PANK2: variants seen among roughly 807,000 people sequenced by gnomAD.
PANK2 encodes pantothenate kinase 2, also known as pantothenate kinase 2, mitochondrial.
In PANK2, 36 loss-of-function variants were observed where a neutral mutation model predicts 43.1. That is an observed-to-expected ratio of 0.84 (90% CI 0.64 to 1.10). The LOEUF (loss-of-function observed/expected upper bound fraction) is 1.10, where lower values mean the gene tolerates loss of function less well. Among genes scored for constraint, PANK2 ranks in the 50% least tolerant of loss-of-function variants. PANK2 has a pLI of 0.00. For missense variants in PANK2, 576 were observed against 593.3 expected, an observed-to-expected ratio of 0.97 and a Z score of 0.30; for synonymous variants, 281 against 238.2, an observed-to-expected ratio of 1.18 and a Z score of -1.66.
chr20:3,889,196 C>T (rs398124549), upstream of PANK2: 93 of 1,612,136 alleles, frequency 5.8e-5, no homozygotes, highest in Non-Finnish European at 7.7e-5. Flanking sequence ...TCCGCGGAAC[C>T]CGGATCCCCT....
At position 3,913,563 on chromosome 20, in the gene PANK2, C is replaced by T. The variant is rs181825706; in HGVS notation, c.1082+929C>T. ...TTCTCCATGTTGGCCGGGCAGGTCT[C>T]GAACTCAGGTGATCTGCCGCCTCAG... is the stretch of plus-strand genomic sequence containing the variant. On this transcript the variant is annotated intron_variant, in intron 4 of 6. Transcript: ENST00000610179. Among the ~76,000 whole-genome samples, 7 of 151,988 alleles carry T rather than the reference C, an allele frequency of 4.6e-5. No homozygotes were observed. The East Asian group carries it at 5.8e-4, about 13-fold the overall frequency.
Position 3,928,059 on chromosome 20 carries a change from T to G in PANK2, c.*4765T>G, listed in dbSNP as rs750463782. ...ACACTCCCCAGCACATGGGGATCCCTTATTAATCTTTACTAAAGAACCGTG... is the reference window on the plus strand; with the variant it reads ...ACACTCCCCAGCACATGGGGATCCCGTATTAATCTTTACTAAAGAACCGTG... On this transcript the variant is annotated 3_prime_UTR_variant, in exon 7 of 7. Transcript: ENST00000610179. The G allele has an allele frequency of 6.6e-6, 1 of 152,196 alleles. No homozygotes were observed. The highest frequency in any genetic ancestry group is 1.5e-5 in the Non-Finnish European group (1 of 68,034). The allele number at this position is 152,196 out of a possible 1,614,324, so 9.4% of individuals were successfully genotyped here.
intron 1 of PANK2, chr20:3,901,589 C>G: frequency 1.5e-5 from 15 of 981,866 alleles, no homozygotes; most frequent in Non-Finnish European, 1.8e-5. Flanking sequence ...CCCTTCTCTT[C>G]CCTCTTCAAC....
At chr20:3,917,587 T>C (rs780557817) in intron 5 of PANK2, 2 of 514,020 alleles carry the variant, frequency 3.9e-6, no homozygotes, top group African/African-American at 3.9e-5. Flanking sequence ...GGGCTGCCCT[T>C]GGGAAAAGAG....
Position 3,920,770 on chromosome 20 carries a change from G to A in PANK2, c.1332+1974G>A, listed in dbSNP as rs753268534. On this transcript the variant is annotated intron_variant, in intron 6 of 6. Coordinates refer to ENST00000610179, the MANE Select transcript of PANK2 (RefSeq NM_001386393.1). ...TGAGGTGGGAAAATCTCTTGAACCCGGGAGGCAGAGGTTGCGGTGAGCCGA... is the reference window on the plus strand; with the variant it reads ...TGAGGTGGGAAAATCTCTTGAACCCAGGAGGCAGAGGTTGCGGTGAGCCGA... 2.6e-5 allele frequency among the ~76,000 whole-genome samples: 4 copies of A among 152,056 alleles called. No homozygotes were observed. In the South Asian group the frequency reaches 6.2e-4, roughly 24 times the overall value.
intron 4 of PANK2, among the ~76,000 whole-genome samples, 158 bp downstream of exon 4, chr20:3,912,792 A>T (rs916985382): frequency 2.0e-5 from 3 of 152,026 alleles, no homozygotes; most frequent in African/African-American, 7.3e-5. Flanking sequence ...TCTACTAAAA[A>T]TACAAAAATT....
At position 3,889,416 on chromosome 20, in the gene PANK2, A is replaced by G. The variant is rs1210131268; in HGVS notation, c.-15A>G. On this transcript the variant is annotated 5_prime_UTR_variant, in exon 1 of 7. Coordinates refer to ENST00000610179, the MANE Select transcript of PANK2 (RefSeq NM_001386393.1). ...TGGCTGGACTGCCGCGGAGGAGGCG[A>G]GAAGGAATCCGACGCTGGGGGGCTT... The G allele has an allele frequency of 6.4e-7, 1 of 1,571,292 alleles. No homozygotes were observed.
chr20:3,909,207 A>G (rs2090431994), intron 2 of PANK2, among the ~76,000 whole-genome samples: 1 of 152,142 alleles, frequency 6.6e-6, no homozygotes, highest in Non-Finnish European at 1.5e-5. Flanking sequence ...CAGCCTCCCA[A>G]GTAGCTGGGA....
chr20:3,918,108 T>C (rs1258428445), intron 5 of PANK2, among the ~76,000 whole-genome samples: 1 of 152,260 alleles, frequency 6.6e-6, no homozygotes, highest in Non-Finnish European at 1.5e-5. Flanking sequence ...TCATGAATTT[T>C]GACATTTATC....
intron 1 of PANK2, among the ~76,000 whole-genome samples, chr20:3,906,249 C>T (rs2090385041): frequency 6.6e-6 from 1 of 151,938 alleles, no homozygotes; most frequent in Admixed American, 6.6e-5. Context: ...CATGGGGAAA[C>T]CCTGTTTCTA....
chr20:3,889,048 G>A (rs564516235), upstream of PANK2: 2,175 of 1,435,908 alleles, frequency 1.5e-3, 4 homozygotes, highest in Non-Finnish European at 1.5e-3. Context: ...GGAGAGTTCC[G>A]CGGCCCGGGG....
chr20:3,908,525 G>T (rs2090422844), intron 2 of PANK2, among the ~76,000 whole-genome samples: 1 of 151,944 alleles, frequency 6.6e-6, no homozygotes, highest in Non-Finnish European at 1.5e-5. Flanking sequence ...GAAAAATTAG[G>T]GCATCTGCTA....
At chr20:3,898,186 G>A (rs549731623) in intron 1 of PANK2, among the ~76,000 whole-genome samples, 1 of 150,772 alleles carries the variant, frequency 6.6e-6, no homozygotes, top group South Asian at 2.1e-4. Context: ...TGTACAACTA[G>A]ATTCCATTTT....
intron 4 of PANK2, among the ~76,000 whole-genome samples, chr20:3,915,279 A>G (rs1376924866): frequency 6.6e-6 from 1 of 151,902 alleles, no homozygotes; most frequent in African/African-American, 2.4e-5. Context: ...TCATATATAT[A>G]TATGTGTGTG....
At chr20:3,899,319 G>A (rs150487369) in intron 1 of PANK2, among the ~76,000 whole-genome samples, 2,018 of 151,556 alleles carry the variant, frequency 0.013, 55 homozygotes, top group African/African-American at 0.044. Context: ...TTACAGGCAT[G>A]TGCCACCATG....
Position 3,918,684 on chromosome 20 carries a change from T to TG in PANK2, c.1222dup (p.Val408GlyfsTer10). ...TGGTGTGCTCAGAACATTAACCAGG[T>TG]GGTATTTGTTGGAAATTTCTTGAGA... On this transcript the variant is annotated frameshift_variant, in exon 6 of 7. Coordinates refer to ENST00000610179, the MANE Select transcript of PANK2 (RefSeq NM_001386393.1). LOFTEE classifies it high-confidence loss of function. The TG allele has an allele frequency of 1.2e-6, 2 of 1,614,182 alleles. No homozygotes were observed. The highest frequency in any genetic ancestry group is 1.7e-6 in the Non-Finnish European group (2 of 1,180,026).
At chr20:3,917,584 C>T (rs751976252) in intron 5 of PANK2, 6 of 513,890 alleles carry the variant, frequency 1.2e-5, no homozygotes, top group Non-Finnish European at 2.5e-5. Flanking sequence ...AATGGGCTGC[C>T]CTTGGGAAAA....
At chr20:3,918,512 T>C (rs1051144944) in intron 5 of PANK2, among the ~76,000 whole-genome samples, 159 bp from the exon 6 acceptor site, 1 of 152,208 alleles carries the variant, frequency 6.6e-6, no homozygotes, top group Non-Finnish European at 1.5e-5. Context: ...CAGAGTTGTC[T>C]GGGGATCAAG....
At position 3,908,056 on chromosome 20, in the gene PANK2, C is replaced by A. The variant is rs745569714; in HGVS notation, c.429C>A (p.Thr143=). 6.2e-7 allele frequency: 1 copy of A among 1,614,132 alleles called. No individual in the cohort carries two copies. Among genetic ancestry groups the A allele is most frequent in the South Asian group, 1.1e-5 (1 of 91,076 alleles). The change falls in exon 2 of 7, where the codon ACC becomes ACA. Residue 143 remains threonine, a synonymous_variant. Transcript: ENST00000610179. ...TTAAAAGCATTCGGAAGTACCTGAC[C>A]TCCAATGTGGCTTATGGGTCTACAG...
Sources: gnomAD v4.1 joint callset for allele counts (sites outside exome capture counted in the v4.1 genomes callset) on GRCh38, gnomAD v4.1.1 for gene constraint, MANE v1.5 for transcripts, NCBI Gene and HGNC (gene_info 2026-07-23, HGNC 2026-07-21) for gene names.